The following CNTN1 variants were observed in gnomAD, a reference collection of about 807,000 sequenced individuals.
CNTN1 encodes the protein contactin 1.
A neutral mutation model predicts 126.4 loss-of-function variants in CNTN1; 38 were observed. The observed-to-expected ratio is 0.30, with a 90% CI of 0.23 to 0.39. CNTN1 has a LOEUF of 0.39. Ranked by LOEUF, CNTN1 falls within the 10% of genes least tolerant of loss-of-function variation. The pLI is 1.00. For synonymous variants in CNTN1, 413 were observed against 422.6 expected, an observed-to-expected ratio of 0.98 and a Z score of 0.28; for missense variants, 1,009 against 1,248.4, an observed-to-expected ratio of 0.81 and a Z score of 2.89.
At chr12:40,833,116 C>T (rs186820452) in intron 1 of CNTN1, among the ~76,000 whole-genome samples, 40 of 151,960 alleles carry the variant, frequency 2.6e-4, no homozygotes, top group East Asian at 1.4e-3. Flanking sequence ...AGTCCAGTGG[C>T]GCAGTCTCGG....
chr12:41,029,131 C>A lies in CNTN1; in HGVS notation c.2892C>A (p.Val964=), dbSNP rs1673863392. ...CAACTCACAAACACTCCATAGAAGT[C>A]CCAATCCCCAGAGATGGAGAATACG... is the stretch of plus-strand genomic sequence containing the variant. ...LYSTHKHSIE[V]PIPRDGEYVV... is the part of the protein sequence containing the mutation. The change falls in exon 23 of 24, where the codon GTC becomes GTA. Residue 964 remains valine, a synonymous_variant. Transcript: ENST00000551295. 6.2e-7 allele frequency: 1 copy of A among 1,614,034 alleles called. No individual in the cohort carries two copies. Among genetic ancestry groups the A allele is most frequent in the Non-Finnish European group, 8.5e-7 (1 of 1,179,988 alleles).
chr12:40,879,020 C>T (rs546954322), intron 1 of CNTN1, among the ~76,000 whole-genome samples: 172 of 152,134 alleles, frequency 1.1e-3, no homozygotes, highest in African/African-American at 4.0e-3. Context: ...AAAATCAACA[C>T]GACTGAGGAG....
chr12:40,855,268 A>G (rs1377318517), intron 1 of CNTN1, among the ~76,000 whole-genome samples: 1 of 152,134 alleles, frequency 6.6e-6, no homozygotes, highest in Non-Finnish European at 1.5e-5. Context: ...ATAAGTTTAA[A>G]CCGTTGCAAA....
At chr12:41,051,672 G>C (rs1300203796) in intron 23 of CNTN1, among the ~76,000 whole-genome samples, 1 of 151,920 alleles carries the variant, frequency 6.6e-6, no homozygotes, top group East Asian at 1.9e-4. Context: ...GTTCTCTCAG[G>C]TAGGGGTGAA....
intron 9 of CNTN1, among the ~76,000 whole-genome samples, chr12:40,935,802 CATGTATAATGTATACATTATA>C (rs1173505239): frequency 1.3e-5 from 2 of 151,912 alleles, no homozygotes; most frequent in Non-Finnish European, 2.9e-5. Flanking sequence ...CATATGTCTA[CATGTATAATGTATACATTATA>C]ATGTATAATG....
chr12:40,729,806 G>A lies in CNTN1; in HGVS notation c.-77+37214G>A, dbSNP rs73110846. 9.7e-3 allele frequency: 1,966 copies of A among 202,972 alleles called. 26 individuals are homozygous for A. Among genetic ancestry groups the A allele is most frequent in the African/African-American group, 0.043 (1,836 of 43,130 alleles). 12.6% of individuals were successfully genotyped at this position (202,972 alleles called of 1,614,324 possible). On this transcript the variant is annotated intron_variant, in intron 1 of 23. Coordinates refer to ENST00000551295, the MANE Select transcript of CNTN1 (RefSeq NM_001843.4). The stretch of plus-strand genomic sequence containing the variant: ...TTGGACTGCAGTGAGGAGACAGCTC[G>A]GTTCCACTATTCCTTGCTGGTCACA...
chr12:40,845,087 T>C (rs1230789737), intron 1 of CNTN1, among the ~76,000 whole-genome samples: 1 of 152,214 alleles, frequency 6.6e-6, no homozygotes, highest in Non-Finnish European at 1.5e-5. Flanking sequence ...CCCATTGAGA[T>C]ATGCTCAGCA....
chr12:40,978,919 G>T (rs370602617), intron 15 of CNTN1: 1 of 152,062 alleles, frequency 6.6e-6, no homozygotes, highest in African/African-American at 2.4e-5. Flanking sequence ...CTTCATTTGA[G>T]AAATTCTTTT....
chr12:40,701,077 G>A (rs988537628), intron 1 of CNTN1, among the ~76,000 whole-genome samples: 6 of 152,220 alleles, frequency 3.9e-5, no homozygotes, highest in Admixed American at 3.3e-4. Flanking sequence ...CAGTGCTCAT[G>A]ATAGCTGGTT....
At chr12:40,736,240 C>T (rs1937673497) in intron 1 of CNTN1, among the ~76,000 whole-genome samples, 1 of 151,888 alleles carries the variant, frequency 6.6e-6, no homozygotes, top group Non-Finnish European at 1.5e-5. Flanking sequence ...ATCTGGCAGT[C>T]ATTAATACAT....
At chr12:40,784,871 G>A (rs764175015) in intron 1 of CNTN1, among the ~76,000 whole-genome samples, 11 of 152,032 alleles carry the variant, frequency 7.2e-5, no homozygotes, top group Non-Finnish European at 1.3e-4. Flanking sequence ...TCAGGTTTGG[G>A]GGCAGAATTC....
chr12:40,777,422 T>C (rs1489661230), intron 1 of CNTN1, among the ~76,000 whole-genome samples: 1 of 151,620 alleles, frequency 6.6e-6, no homozygotes, highest in East Asian at 1.9e-4. Flanking sequence ...CCTGAATACC[T>C]TACTCTTTGG....
intron 17 of CNTN1, among the ~76,000 whole-genome samples, chr12:41,001,696 C>T (rs909561262): frequency 1.3e-5 from 2 of 152,110 alleles, no homozygotes; most frequent in East Asian, 3.8e-4. Context: ...GAAATCTTTG[C>T]CCATTCCTAT....
chr12:40,857,105 A>G (rs957346530), intron 1 of CNTN1, among the ~76,000 whole-genome samples: 1 of 152,142 alleles, frequency 6.6e-6, no homozygotes, highest in African/African-American at 2.4e-5. Flanking sequence ...GTAGGCAAAA[A>G]CTTTGAAGAC....
At chr12:40,823,365 A>C (rs544612591) in intron 1 of CNTN1, among the ~76,000 whole-genome samples, 2 of 152,324 alleles carry the variant, frequency 1.3e-5, no homozygotes, top group African/African-American at 4.8e-5. Context: ...TGTGACTTCC[A>C]GCTCATTGGT....
At chr12:40,924,491 T>C in intron 5 of CNTN1, 66 bp from the exon 6 acceptor site, 2 of 873,306 alleles carry the variant, frequency 2.3e-6, no homozygotes, top group East Asian at 2.6e-5. Context: ...AAAGGTAAAA[T>C]TGATGAATGT....
At chr12:40,744,305 A>T (rs1214988653) in intron 1 of CNTN1, among the ~76,000 whole-genome samples, 122 of 2,716 alleles carry the variant, frequency 0.045, no homozygotes, top group Admixed American at 0.14. Context: ...TAAATTAAAT[A>T]AAAAAAAAAT....
At chr12:40,830,854 A>G (rs1941798919) in intron 1 of CNTN1, among the ~76,000 whole-genome samples, 1 of 127,160 alleles carries the variant, frequency 7.9e-6, no homozygotes, top group Non-Finnish European at 1.6e-5. Context: ...CTGTCTACCT[A>G]ACTATCTAGT....
intron 1 of CNTN1, among the ~76,000 whole-genome samples, chr12:40,715,406 A>G (rs1210090008): frequency 6.6e-6 from 1 of 152,152 alleles, no homozygotes; most frequent in Non-Finnish European, 1.5e-5. Flanking sequence ...TCGTTTATGC[A>G]TAGGATAGCC....
Sources: allele counts gnomAD v4.1 joint callset (sites outside exome capture counted in the v4.1 genomes callset), GRCh38; gene constraint gnomAD v4.1.1; transcripts MANE v1.5; gene names NCBI Gene and HGNC (gene_info 2026-07-23, HGNC 2026-07-21).